The following TRAK1 variants were observed in gnomAD, a reference collection of about 807,000 sequenced individuals.
The protein encoded by TRAK1 is trafficking kinesin protein 1, also known as trafficking kinesin-binding protein 1.
Under a neutral mutation model 92.1 loss-of-function variants are expected in TRAK1, and 33 were observed. The ratio of observed to expected loss-of-function variants is 0.36; its 90% CI spans 0.27 to 0.48. The LOEUF (loss-of-function observed/expected upper bound fraction) is 0.48, where lower values mean the gene tolerates loss of function less well. Ranked by LOEUF, TRAK1 falls within the 20% of genes least tolerant of loss-of-function variation. The probability of loss-of-function intolerance (pLI) is 0.99; values close to 1 mark genes in which losing one functional copy is unlikely to be tolerated. For missense variants in TRAK1, 1,123 were observed against 1,257.9 expected, an observed-to-expected ratio of 0.89 and a Z score of 1.62; for synonymous variants, 521 against 517.3, an observed-to-expected ratio of 1.01 and a Z score of -0.10.
intron 1 of TRAK1, among the ~76,000 whole-genome samples, chr3:42,051,873 C>A (rs1343923854): frequency 6.6e-6 from 1 of 152,196 alleles, no homozygotes; most frequent in Non-Finnish European, 1.5e-5. Flanking sequence ...AGAATACAGT[C>A]CTGGTGGCTA....
chr3:42,026,248 G>A (rs554863028), intron 1 of TRAK1, among the ~76,000 whole-genome samples: 108 of 152,288 alleles, frequency 7.1e-4, no homozygotes, highest in Middle Eastern at 3.4e-3. Flanking sequence ...GCATTTCATA[G>A]AAAGTATAAG....
chr3:42,123,048 T>A (rs945868448), intron 1 of TRAK1, among the ~76,000 whole-genome samples: 2 of 152,180 alleles, frequency 1.3e-5, no homozygotes, highest in Admixed American at 6.5e-5. Flanking sequence ...GGAAATGCTC[T>A]ATGGCAAAGC....
chr3:42,143,816 A>G (rs888372535), intron 2 of TRAK1, among the ~76,000 whole-genome samples: 1 of 152,150 alleles, frequency 6.6e-6, no homozygotes, highest in Non-Finnish European at 1.5e-5. Flanking sequence ...AGTGGATTTG[A>G]TGTCAGATAG....
At chr3:42,035,755 CA>C (rs1702302431) in intron 1 of TRAK1, among the ~76,000 whole-genome samples, 1 of 152,214 alleles carries the variant, frequency 6.6e-6, no homozygotes, top group Non-Finnish European at 1.5e-5. Context: ...CCCCATGGGG[CA>C]AAAGAGGCTG....
chr3:42,153,793 G>A (rs183085480), intron 2 of TRAK1, among the ~76,000 whole-genome samples: 1 of 152,184 alleles, frequency 6.6e-6, no homozygotes, highest in East Asian at 1.9e-4. Flanking sequence ...GGTATTTTAA[G>A]CATTAATTGA....
At chr3:42,091,136 T>TTC (rs1415738386), upstream of TRAK1, 7 of 261,088 alleles carry the variant, frequency 2.7e-5, no homozygotes, top group African/African-American at 1.6e-4. Context: ...TTGTTCCACT[T>TTC]TAATTTTTAG....
chr3:42,076,216 CTTTTTTTTTTTTT>C lies in TRAK1; in HGVS notation c.-518-10874_-518-10862del, dbSNP rs3073733. On this transcript the variant is annotated intron_variant, in intron 1 of 16. Transcript: ENST00000487159. ...TCCTCATAGATTTGGGATATTAGACCTTTTTTTTTTTTTTTTTTTTTTTTTTGAGATGGAGTTT... is the reference window on the plus strand; with the variant it reads ...TCCTCATAGATTTGGGATATTAGACCTTTTTTTTTTTTTGAGATGGAGTTT... 8.0e-5 allele frequency among the ~76,000 whole-genome samples: 5 copies of C among 62,684 alleles called. No homozygotes were observed. In the Admixed American group the frequency reaches 1.2e-3, roughly 14 times the overall value. 41.1% of individuals were successfully genotyped at this position (62,684 alleles called of 152,430 possible).
At position 42,179,913 on chromosome 3, in the gene TRAK1, G is replaced by T. The variant is rs542636232; in HGVS notation, c.363+3023G>T. ...TTTCTTGTTTTTATCCTTTTTTTTT[G>T]GTAGGGATGGTGTCTCACTATGTTG... On this transcript the variant is annotated intron_variant, in intron 3 of 15. Coordinates refer to ENST00000327628, the MANE Select transcript of TRAK1 (RefSeq NM_001042646.3). 8.7e-5 allele frequency among the ~76,000 whole-genome samples: 13 copies of T among 149,974 alleles called. 1 individual carries two copies. The South Asian group carries it at 2.7e-3, about 32-fold the overall frequency.
At chr3:42,180,175 GAC>G (rs1703803818) in intron 3 of TRAK1, among the ~76,000 whole-genome samples, 1 of 152,056 alleles carries the variant, frequency 6.6e-6, no homozygotes, top group Admixed American at 6.5e-5. Flanking sequence ...AAAAACTAGA[GAC>G]ACTACAATAA....
At chr3:42,159,906 G>A (rs1701047461) in intron 2 of TRAK1, among the ~76,000 whole-genome samples, 1 of 152,198 alleles carries the variant, frequency 6.6e-6, no homozygotes, top group Non-Finnish European at 1.5e-5. Context: ...CTTTAAACAG[G>A]TGTGCCTGCT....
intron 1 of TRAK1, among the ~76,000 whole-genome samples, chr3:42,092,983 CATCTT>C (rs1705331063): frequency 6.6e-6 from 1 of 151,952 alleles, no homozygotes; most frequent in African/African-American, 2.4e-5. Context: ...AATTCTTACA[CATCTT>C]ATTAATTAAA....
chr3:42,145,524 A>G (rs1699219179), intron 2 of TRAK1: 1 of 152,064 alleles, frequency 6.6e-6, no homozygotes, highest in Non-Finnish European at 1.5e-5. Context: ...TTGAACAAAG[A>G]TCTTTGATAT....
At chr3:42,053,394 A>AGGGGGGGGGGG (rs1703066867) in intron 1 of TRAK1, among the ~76,000 whole-genome samples, 1 of 78,318 alleles carries the variant, frequency 1.3e-5, no homozygotes. Context: ...GGGGCGGGGG[A>AGGGGGGGGGGG]TGGCAAAGGG....
intron 2 of TRAK1, among the ~76,000 whole-genome samples, chr3:42,146,833 G>A (rs1032484996): frequency 1.3e-5 from 2 of 152,212 alleles, no homozygotes; most frequent in East Asian, 1.9e-4. Flanking sequence ...TAGAAGTACA[G>A]GCATGAGCCA....
At chr3:42,089,616 G>C (rs1405968441), upstream of TRAK1, among the ~76,000 whole-genome samples, 3 of 151,514 alleles carry the variant, frequency 2.0e-5, no homozygotes, top group African/African-American at 7.3e-5. Context: ...CTTAACTCCA[G>C]ATATCCTTAT....
intron 4 of TRAK1, among the ~76,000 whole-genome samples, chr3:42,186,223 C>A (rs183730696): frequency 3.3e-5 from 5 of 152,046 alleles, no homozygotes; most frequent in Non-Finnish European, 7.4e-5. Context: ...CTCAAGCAAT[C>A]CACCCGCCTT....
intron 15 of TRAK1, chr3:42,220,546 G>A: frequency 1.0e-6 from 1 of 985,478 alleles, no homozygotes; most frequent in Non-Finnish European, 1.2e-6. Flanking sequence ...GTTGAGCTGA[G>A]AGGAGATATA....
intron 2 of TRAK1, among the ~76,000 whole-genome samples, chr3:42,150,705 A>G (rs1017246674): frequency 4.6e-5 from 7 of 152,144 alleles, no homozygotes; most frequent in African/African-American, 1.4e-4. Context: ...TTTTGCCGCG[A>G]CTGTGGGTTA....
At chr3:42,198,629 G>A (rs1707089216) in intron 10 of TRAK1, among the ~76,000 whole-genome samples, 1 of 152,138 alleles carries the variant, frequency 6.6e-6, no homozygotes, top group Non-Finnish European at 1.5e-5. Context: ...GCCCTTTGGA[G>A]GTGGGAAAGG....
Sources: gnomAD v4.1 joint callset for allele counts (sites outside exome capture counted in the v4.1 genomes callset) on GRCh38, gnomAD v4.1.1 for gene constraint, MANE v1.5 for transcripts, NCBI Gene and HGNC (gene_info 2026-07-23, HGNC 2026-07-21) for gene names.